KIF2A: variants seen among roughly 807,000 people sequenced by gnomAD.
The protein encoded by KIF2A is kinesin-like protein KIF2A.
In KIF2A, 22 loss-of-function variants were observed where a neutral mutation model predicts 100.2. That is an observed-to-expected ratio of 0.22 (90% CI 0.16 to 0.31). KIF2A has a LOEUF of 0.31. KIF2A is among the 10% of genes least tolerant of loss of function. The pLI is 1.00. For missense variants in KIF2A, 495 were observed against 898.7 expected (o/e 0.55, Z 5.74); for synonymous variants, 268 against 285.9 (o/e 0.94, Z 0.63).
At chr5:62,347,800 T>A (rs1335792058) in intron 2 of KIF2A, among the ~76,000 whole-genome samples, 1 of 151,934 alleles carries the variant, frequency 6.6e-6, no homozygotes, top group African/African-American at 2.4e-5. Context: ...ATTTTTGTAT[T>A]TTTTGTAGAG....
intron 3 of KIF2A, among the ~76,000 whole-genome samples, chr5:62,348,821 C>T (rs1747702918): frequency 6.9e-6 from 1 of 145,336 alleles, no homozygotes; most frequent in African/African-American, 2.6e-5. Flanking sequence ...TTGTGTTCAT[C>T]TCAACAAGCA....
At chr5:62,328,921 A>G (rs1237043973) in intron 1 of KIF2A, among the ~76,000 whole-genome samples, 1 of 152,190 alleles carries the variant, frequency 6.6e-6, no homozygotes, top group Non-Finnish European at 1.5e-5. Flanking sequence ...TGCTACCTTA[A>G]TTGTTAGTGT....
chr5:62,314,773 T>TG (rs1371068881), intron 1 of KIF2A, among the ~76,000 whole-genome samples: 1 of 147,896 alleles, frequency 6.8e-6, no homozygotes, highest in Admixed American at 6.8e-5. Context: ...TTTTTTTTTT[T>TG]TTTTTTTAAG....
chr5:62,332,980 GT>G (rs1746733903), intron 1 of KIF2A, among the ~76,000 whole-genome samples: 1 of 152,218 alleles, frequency 6.6e-6, no homozygotes, highest in Admixed American at 6.5e-5. Context: ...AACTGTGTTA[GT>G]AAATGGCTCA....
intron 1 of KIF2A, among the ~76,000 whole-genome samples, chr5:62,323,737 T>A (rs1746225959): frequency 1.3e-5 from 2 of 152,120 alleles, no homozygotes; most frequent in African/African-American, 4.8e-5. Flanking sequence ...CAATTTTTCA[T>A]AACACTTTAA....
intron 20 of KIF2A, 78 bp downstream of exon 20, chr5:62,381,331 G>T: frequency 5.9e-6 from 7 of 1,179,414 alleles, no homozygotes; most frequent in Non-Finnish European, 7.4e-6. Context: ...TCTTCGTATT[G>T]CAAGAGGACA....
At chr5:62,381,063 T>G in intron 19 of KIF2A, 55 bp from the exon 20 acceptor site, 1 of 1,321,072 alleles carries the variant, frequency 7.6e-7, no homozygotes, top group Non-Finnish European at 1.1e-6. Flanking sequence ...GAATTGTAAT[T>G]TGGTTTCTGT....
intron 16 of KIF2A, among the ~76,000 whole-genome samples, chr5:62,367,446 T>A (rs999877493): frequency 6.6e-6 from 1 of 152,092 alleles, no homozygotes; most frequent in Non-Finnish European, 1.5e-5. Flanking sequence ...TTTGTATTTT[T>A]AGTAGAGGCA....
At chr5:62,325,658 G>T (rs1746339358) in intron 1 of KIF2A, among the ~76,000 whole-genome samples, 1 of 152,170 alleles carries the variant, frequency 6.6e-6, no homozygotes, top group Non-Finnish European at 1.5e-5. Flanking sequence ...TGTTGGCCAG[G>T]TTGCAGAGAA....
rs560756232 is a variant in KIF2A at position 62,319,187 on chromosome 5, C to A, written c.64+12651C>A. Among the ~76,000 whole-genome samples the A allele has an allele frequency of 1.7e-3, 262 of 151,210 alleles. 2 individuals are homozygous for A. Among genetic ancestry groups the A allele is most frequent in the African/African-American group, 5.8e-3 (238 of 40,780 alleles). Reference sequence around the variant, plus strand: ...ACAACAACAACAACAACAACAACAACAAAAAACCCAAAACAATAATTTGGT... The same window carrying A: ...ACAACAACAACAACAACAACAACAAAAAAAAACCCAAAACAATAATTTGGT... On this transcript the variant is annotated intron_variant, in intron 1 of 20. Transcript: ENST00000407818.
chr5:62,325,504 A>G (rs971703188), intron 1 of KIF2A, among the ~76,000 whole-genome samples: 1 of 152,230 alleles, frequency 6.6e-6, no homozygotes, highest in Admixed American at 6.5e-5. Context: ...TACTTCTCAA[A>G]AGAAGACATA....
intron 1 of KIF2A, 44 bp downstream of exon 1, chr5:62,306,580 T>C: frequency 6.7e-7 from 1 of 1,503,336 alleles, no homozygotes; most frequent in Non-Finnish European, 9.0e-7. Context: ...GGCCCCGTGT[T>C]CGGGTGTGCA....
intron 1 of KIF2A, among the ~76,000 whole-genome samples, chr5:62,334,641 C>T (rs1413988380): frequency 6.6e-6 from 1 of 152,028 alleles, no homozygotes; most frequent in African/African-American, 2.4e-5. Context: ...TGCCTTGTAC[C>T]CCTCAGCCCC....
rs1742184726 is a variant in KIF2A at position 62,389,375 on chromosome 5, A to G, written c.*3806A>G. 6.6e-6 allele frequency among the ~76,000 whole-genome samples: 1 copy of G among 150,378 alleles called. No individual in the cohort carries two copies. ...GTGGCACATGCCTGTAATCCCAGCT[A>G]CTCGGGTGGTTGAGGCAGGAGATTT... On this transcript the variant is annotated 3_prime_UTR_variant, in exon 21 of 21. Coordinates refer to ENST00000407818, the MANE Select transcript of KIF2A (RefSeq NM_001098511.3).
chr5:62,307,806 C>T (rs1422900142), intron 1 of KIF2A, among the ~76,000 whole-genome samples: 1 of 152,012 alleles, frequency 6.6e-6, no homozygotes, highest in African/African-American at 2.4e-5. Flanking sequence ...TTAGTAGAGA[C>T]GGGGTTTCAC....
chr5:62,308,411 G>C, intron 1 of KIF2A: 1 of 1,259,044 alleles, frequency 7.9e-7, no homozygotes, highest in South Asian at 1.3e-5. Flanking sequence ...ACCCAAGGGA[G>C]AGGAAATCAC....
intron 1 of KIF2A, among the ~76,000 whole-genome samples, chr5:62,341,725 C>G (rs776994458): frequency 6.6e-6 from 1 of 152,042 alleles, no homozygotes; most frequent in South Asian, 2.1e-4. Flanking sequence ...ACCTTTTTTT[C>G]GCACACCTAG....
intron 1 of KIF2A, among the ~76,000 whole-genome samples, chr5:62,317,017 T>A (rs1462291033): frequency 6.6e-6 from 1 of 151,772 alleles, no homozygotes; most frequent in Non-Finnish European, 1.5e-5. Flanking sequence ...TATAGTATAG[T>A]AAAAAGGATT....
chr5:62,354,494 CTA>C (rs1327837057), intron 6 of KIF2A, among the ~76,000 whole-genome samples: 3 of 152,114 alleles, frequency 2.0e-5, no homozygotes, highest in African/African-American at 7.2e-5. Context: ...AGACTGTTGA[CTA>C]TTGCTATTTG....
Sources: allele counts gnomAD v4.1 joint callset (sites outside exome capture counted in the v4.1 genomes callset), GRCh38; gene constraint gnomAD v4.1.1; transcripts MANE v1.5; gene names NCBI Gene and HGNC (gene_info 2026-07-23, HGNC 2026-07-21).